FABP7: variants seen among roughly 807,000 people sequenced by gnomAD.
The protein encoded by FABP7 is fatty acid binding protein 7.
In FABP7, 13 loss-of-function variants were observed where a neutral mutation model predicts 14.2. That is an observed-to-expected ratio of 0.91 (90% CI 0.59 to 1.45). FABP7 has a LOEUF of 1.45. Ranked by LOEUF, FABP7 falls within the 40% of genes most tolerant of loss-of-function variation. The pLI is 0.00. For missense variants in FABP7, 149 were observed against 157.6 expected (o/e 0.95, Z 0.29); for synonymous variants, 49 against 51.4 (o/e 0.95, Z 0.20).
chr6:122,782,311 A>T, intron 3 of FABP7: 1 of 640,656 alleles, frequency 1.6e-6, no homozygotes, highest in Non-Finnish European at 1.9e-6. Context: ...GCCTGAGATC[A>T]AGGCGACCCT....
the FABP7 span, among the ~76,000 whole-genome samples, chr6:122,769,360 T>C: frequency 1.3e-5 from 2 of 152,166 alleles, no homozygotes; most frequent in African/African-American, 4.8e-5. Context: ...CTCACTATAA[T>C]TTATAAATGA....
At chr6:122,765,713 T>G in the FABP7 span, among the ~76,000 whole-genome samples, 1 of 152,022 alleles carries the variant, frequency 6.6e-6, no homozygotes, top group African/African-American at 2.4e-5. Context: ...TATTTTTTAA[T>G]TTTAGCCTCC....
chr6:122,776,239 C>A (rs1487267382), upstream of FABP7, among the ~76,000 whole-genome samples: 1 of 152,066 alleles, frequency 6.6e-6, no homozygotes, highest in Non-Finnish European at 1.5e-5. Context: ...TTTATTACAG[C>A]ACTAGTTACA....
the FABP7 span, among the ~76,000 whole-genome samples, chr6:122,763,143 A>G: frequency 1.3e-5 from 2 of 152,244 alleles, no homozygotes; most frequent in Non-Finnish European, 2.9e-5. Context: ...AAACTATACT[A>G]TAAGGGTACA....
upstream of FABP7, among the ~76,000 whole-genome samples, chr6:122,777,457 A>T (rs916204790): frequency 1.3e-5 from 2 of 152,140 alleles, no homozygotes; most frequent in African/African-American, 4.8e-5. Flanking sequence ...AGTCGGACAT[A>T]CTTCTGACTT....
At chr6:122,773,832 C>G in the FABP7 span, among the ~76,000 whole-genome samples, 2 of 152,034 alleles carry the variant, frequency 1.3e-5, no homozygotes, top group South Asian at 4.2e-4. Context: ...TGTGAAGATT[C>G]TGCCAGGATC....
chr6:122,753,687 G>T, the FABP7 span, among the ~76,000 whole-genome samples: 1 of 151,824 alleles, frequency 6.6e-6, no homozygotes, highest in Non-Finnish European at 1.5e-5. Flanking sequence ...ACGAAAGCAG[G>T]GATTTATTGA....
At chr6:122,777,845 A>AAAATT (rs150407608), upstream of FABP7, among the ~76,000 whole-genome samples, 9 of 143,778 alleles carry the variant, frequency 6.3e-5, no homozygotes, top group Non-Finnish European at 1.4e-4. Context: ...CCTTTCTCCA[A>AAAATT]AAATAAATAA....
upstream of FABP7, among the ~76,000 whole-genome samples, chr6:122,775,906 A>C (rs1376645244): frequency 6.6e-6 from 1 of 152,148 alleles, no homozygotes; most frequent in Non-Finnish European, 1.5e-5. Flanking sequence ...GACATTTCTC[A>C]AAGAAGAGAT....
chr6:122,753,182 C>T, the FABP7 span, among the ~76,000 whole-genome samples: 2 of 152,138 alleles, frequency 1.3e-5, no homozygotes, highest in African/African-American at 4.8e-5. Flanking sequence ...TTTCTGGCAG[C>T]CCTGCAGGGT....
chr6:122,759,716 T>C, the FABP7 span, among the ~76,000 whole-genome samples: 1 of 152,238 alleles, frequency 6.6e-6, no homozygotes, highest in African/African-American at 2.4e-5. Flanking sequence ...ATTTAGCCCC[T>C]GGCAGTCTGG....
chr6:122,753,783 C>T, the FABP7 span, among the ~76,000 whole-genome samples: 2 of 76,844 alleles, frequency 2.6e-5, no homozygotes, highest in Non-Finnish European at 5.4e-5. Flanking sequence ...GTCCAAATCC[C>T]GCCCCCCCCC....
chr6:122,755,209 T>C, the FABP7 span, among the ~76,000 whole-genome samples: 1 of 152,124 alleles, frequency 6.6e-6, no homozygotes, highest in African/African-American at 2.4e-5. Flanking sequence ...TGACCCTTTC[T>C]CTCTCCATTG....
At chr6:122,755,382 A>C in the FABP7 span, among the ~76,000 whole-genome samples, 1 of 151,562 alleles carries the variant, frequency 6.6e-6, no homozygotes, top group Non-Finnish European at 1.5e-5. Context: ...AATATATTAT[A>C]AAGTGTGAAT....
chr6:122,749,658 T>A, the FABP7 span, among the ~76,000 whole-genome samples: 1 of 152,228 alleles, frequency 6.6e-6, no homozygotes, highest in African/African-American at 2.4e-5. Flanking sequence ...TGTATTTAAA[T>A]GCCACAAATG....
the FABP7 span, among the ~76,000 whole-genome samples, chr6:122,762,974 C>T: frequency 6.6e-6 from 1 of 152,038 alleles, no homozygotes; most frequent in Non-Finnish European, 1.5e-5. Context: ...AAGGTAATTT[C>T]CAGATTCATT....
At chr6:122,764,225 C>T in the FABP7 span, among the ~76,000 whole-genome samples, 1 of 152,234 alleles carries the variant, frequency 6.6e-6, no homozygotes, top group African/African-American at 2.4e-5. Context: ...AGGATGAGTT[C>T]ATGTCCTTTG....
At chr6:122,769,207 A>T in the FABP7 span, among the ~76,000 whole-genome samples, 1 of 152,188 alleles carries the variant, frequency 6.6e-6, no homozygotes, top group Admixed American at 6.6e-5. Flanking sequence ...AGATATCATG[A>T]TGATGACATG....
chr6:122,769,058 A>G, the FABP7 span, among the ~76,000 whole-genome samples: 1 of 152,170 alleles, frequency 6.6e-6, no homozygotes, highest in Non-Finnish European at 1.5e-5. Flanking sequence ...AATGACATAG[A>G]GTTCCACATC....
Sources: allele counts gnomAD v4.1 joint callset (sites outside exome capture counted in the v4.1 genomes callset), GRCh38; gene constraint gnomAD v4.1.1; transcripts MANE v1.5; gene names NCBI Gene and HGNC (gene_info 2026-07-23, HGNC 2026-07-21).